Variants in GABBR2 observed in about 807,000 individuals in gnomAD.
GABBR2 encodes G-protein coupled receptor 51.
Under a neutral mutation model 105.6 loss-of-function variants are expected in GABBR2, and 23 were observed. That is an observed-to-expected ratio of 0.22 (90% CI 0.16 to 0.31). GABBR2 has a LOEUF of 0.31. GABBR2 is among the 10% of genes least tolerant of loss of function. The pLI is 1.00. For missense variants in GABBR2, 734 were observed against 1,245.5 expected (o/e 0.59, Z 6.18); for synonymous variants, 478 against 499.7 (o/e 0.96, Z 0.58).
intron 3 of GABBR2, among the ~76,000 whole-genome samples, chr9:98,502,502 G>C (rs1827422544): frequency 6.6e-6 from 1 of 152,192 alleles, no homozygotes; most frequent in African/African-American, 2.4e-5. Context: ...GTGTGGGCCA[G>C]CCTGTTCTCT....
intron 1 of GABBR2, among the ~76,000 whole-genome samples, chr9:98,617,740 C>CA (rs767867398): frequency 2.6e-5 from 4 of 151,594 alleles, no homozygotes; most frequent in Admixed American, 6.6e-5. Flanking sequence ...TGTTGGCACA[C>CA]AAAAAAAAGC....
chr9:98,600,475 T>A (rs990833240), intron 1 of GABBR2, among the ~76,000 whole-genome samples: 21 of 152,198 alleles, frequency 1.4e-4, no homozygotes, highest in African/African-American at 5.1e-4. Context: ...GTGGTCAGTG[T>A]CCCAGAAGGC....
intron 1 of GABBR2, among the ~76,000 whole-genome samples, chr9:98,631,467 G>A (rs1293436293): frequency 1.3e-5 from 2 of 152,200 alleles, no homozygotes; most frequent in African/African-American, 4.8e-5. Context: ...ACACATTGAG[G>A]ATAAAACAGG....
intron 2 of GABBR2, among the ~76,000 whole-genome samples, chr9:98,573,903 A>C (rs897216985): frequency 4.6e-5 from 7 of 152,202 alleles, no homozygotes; most frequent in Non-Finnish European, 8.8e-5. Flanking sequence ...TTGCCTCGCC[A>C]CAAGAACCAA....
chr9:98,338,998 G>A (rs936092091), intron 13 of GABBR2, among the ~76,000 whole-genome samples: 4 of 152,152 alleles, frequency 2.6e-5, no homozygotes, highest in African/African-American at 9.7e-5. Context: ...AAAACATTAC[G>A]CTAAGTGAAA....
chr9:98,468,349 C>A (rs16916291), intron 6 of GABBR2, among the ~76,000 whole-genome samples: 62 of 152,090 alleles, frequency 4.1e-4, no homozygotes, highest in Admixed American at 1.5e-3. Flanking sequence ...CTTTGTCTAT[C>A]GGGAGTCAGC....
intron 1 of GABBR2, chr9:98,707,133 G>C (rs189775341): frequency 2.6e-5 from 4 of 152,384 alleles, no homozygotes; most frequent in Non-Finnish European, 5.9e-5. Context: ...ATACAATCTA[G>C]ATTCTGCTCT....
intron 7 of GABBR2, among the ~76,000 whole-genome samples, chr9:98,414,725 CATGTGACAGTCCTACCA>C (rs373041894): frequency 1.2e-3 from 186 of 152,262 alleles, no homozygotes; most frequent in African/African-American, 4.4e-3. Context: ...TGGGTGCGGC[CATGTGACAGTCCTACCA>C]ATGGAATGTG....
intron 14 of GABBR2, among the ~76,000 whole-genome samples, chr9:98,309,398 C>T (rs1043434665): frequency 6.6e-6 from 1 of 152,204 alleles, no homozygotes; most frequent in Non-Finnish European, 1.5e-5. Context: ...GGAAGGATCA[C>T]GGAGACAGTC....
intron 1 of GABBR2, among the ~76,000 whole-genome samples, chr9:98,594,712 C>G (rs1407726038): frequency 6.6e-6 from 1 of 152,192 alleles, no homozygotes; most frequent in Non-Finnish European, 1.5e-5. Flanking sequence ...CACAGGGCAG[C>G]CCATCCCCAG....
intron 1 of GABBR2, among the ~76,000 whole-genome samples, chr9:98,640,308 G>C (rs1829942575): frequency 6.6e-6 from 1 of 151,906 alleles, no homozygotes; most frequent in Admixed American, 6.6e-5. Flanking sequence ...ACATATCCCG[G>C]GGATAGACTC....
chr9:98,668,883 TTGTG>T (rs35341252), intron 1 of GABBR2, among the ~76,000 whole-genome samples: 5,040 of 147,446 alleles, frequency 0.034, 93 homozygotes, highest in East Asian at 0.097. Context: ...ATATTCCATT[TTGTG>T]TGTGTGTGTG....
chr9:98,351,991 C>T (rs1211654174), intron 13 of GABBR2, among the ~76,000 whole-genome samples: 1 of 152,154 alleles, frequency 6.6e-6, no homozygotes, highest in Non-Finnish European at 1.5e-5. Flanking sequence ...ATAATTTTTC[C>T]TGTACATGTG....
At chr9:98,304,586 G>T (rs1051726971) in intron 15 of GABBR2, among the ~76,000 whole-genome samples, 18 of 152,238 alleles carry the variant, frequency 1.2e-4, no homozygotes, top group Admixed American at 7.2e-4. Context: ...GTACACCAGA[G>T]GTATTCCAGT....
chr9:98,350,302 T>G (rs770022107), intron 13 of GABBR2, among the ~76,000 whole-genome samples: 6 of 152,078 alleles, frequency 3.9e-5, no homozygotes, highest in Non-Finnish European at 7.4e-5. Context: ...ATTTTGTTCT[T>G]GATTTTCTGG....
intron 1 of GABBR2, among the ~76,000 whole-genome samples, chr9:98,614,525 CA>C (rs900208366): frequency 6.6e-6 from 1 of 151,116 alleles, no homozygotes; most frequent in Middle Eastern, 3.4e-3. Context: ...AACGGTGTCT[CA>C]AAAAAATAAA....
At chr9:98,492,535 T>TA (rs1206297521) in intron 4 of GABBR2, among the ~76,000 whole-genome samples, 1 of 152,080 alleles carries the variant, frequency 6.6e-6, no homozygotes, top group African/African-American at 2.4e-5. Flanking sequence ...ACCCATTCTT[T>TA]AATCAGATTT....
At chr9:98,494,315 G>A (rs961143045) in intron 4 of GABBR2, among the ~76,000 whole-genome samples, 1 of 152,162 alleles carries the variant, frequency 6.6e-6, no homozygotes, top group Non-Finnish European at 1.5e-5. Flanking sequence ...GGAGGAACAG[G>A]GATTTCAATT....
At chr9:98,636,485 CTTTTTTTTTTTT>C (rs10559312) in intron 1 of GABBR2, among the ~76,000 whole-genome samples, 22 of 66,174 alleles carry the variant, frequency 3.3e-4, no homozygotes, top group African/African-American at 1.1e-3. Context: ...TCTTTCCTTT[CTTTTTTTTTTTT>C]TTTTTTTTTT....
Sources: gnomAD v4.1 joint callset for allele counts (sites outside exome capture counted in the v4.1 genomes callset) on GRCh38, gnomAD v4.1.1 for gene constraint, MANE v1.5 for transcripts, NCBI Gene and HGNC (gene_info 2026-07-23, HGNC 2026-07-21) for gene names.